The following SNRPN variants were observed in gnomAD, a reference collection of about 807,000 sequenced individuals.
The protein encoded by SNRPN is small nuclear ribonucleoprotein-associated protein N.
A neutral mutation model predicts 25.2 loss-of-function variants in SNRPN; 7 were observed. The observed-to-expected ratio is 0.28, with a 90% CI of 0.16 to 0.52. The LOEUF is 0.52. Among genes scored for constraint, SNRPN ranks in the 20% least tolerant of loss-of-function variants. The probability of loss-of-function intolerance (pLI) is 0.96; values close to 1 mark genes in which losing one functional copy is unlikely to be tolerated. For synonymous variants in SNRPN, 124 were observed against 110.6 expected, an observed-to-expected ratio of 1.12 and a Z score of -0.76; for missense variants, 196 against 322.5, an observed-to-expected ratio of 0.61 and a Z score of 3.00.
At chr15:24,948,046 T>C (rs1358660279) in intron 3 of SNRPN, among the ~76,000 whole-genome samples, 1 of 152,144 alleles carries the variant, frequency 6.6e-6, no homozygotes, top group Non-Finnish European at 1.5e-5. Flanking sequence ...AATTTCTTAA[T>C]GTTGCATCAG....
At chr15:24,909,145 G>A (rs2059046664) in intron 2 of SNRPN, 5 of 1,352,648 alleles carry the variant, frequency 3.7e-6, no homozygotes, top group Admixed American at 3.4e-5. Context: ...TGTTCTTTAT[G>A]TATTGAGAGA....
At chr15:24,919,156 G>C (rs1276373427) in intron 2 of SNRPN, among the ~76,000 whole-genome samples, 1 of 151,246 alleles carries the variant, frequency 6.6e-6, no homozygotes, top group Non-Finnish European at 1.5e-5. Flanking sequence ...ATTGCTGGGC[G>C]TGGTGGCTCA....
intron 1 of SNRPN, among the ~76,000 whole-genome samples, chr15:24,875,658 C>A (rs2055785458): frequency 6.6e-6 from 1 of 152,144 alleles, no homozygotes; most frequent in Non-Finnish European, 1.5e-5. Flanking sequence ...GTAGCTCACA[C>A]CTGTAATCCC....
At chr15:24,827,069 A>G (rs534967575) in intron 1 of SNRPN, among the ~76,000 whole-genome samples, 4 of 152,094 alleles carry the variant, frequency 2.6e-5, no homozygotes, top group Non-Finnish European at 5.9e-5. Context: ...TAAAAATATG[A>G]TATAAAACAT....
At chr15:24,902,541 A>G (rs1358625888) in intron 2 of SNRPN, among the ~76,000 whole-genome samples, 1 of 152,162 alleles carries the variant, frequency 6.6e-6, no homozygotes, top group Admixed American at 6.5e-5. Context: ...TCAAGAATGA[A>G]GCCGTGCACC....
At chr15:24,886,095 A>G (rs1205699492) in intron 1 of SNRPN, among the ~76,000 whole-genome samples, 1 of 152,144 alleles carries the variant, frequency 6.6e-6, no homozygotes, top group Non-Finnish European at 1.5e-5. Flanking sequence ...CCATCCATGC[A>G]CTTTCTTGTA....
chr15:24,968,003 A>C lies in SNRPN; in HGVS notation c.-223A>C, dbSNP rs767497295. The C allele has an allele frequency of 6.2e-7, 1 of 1,614,102 alleles. No homozygotes were observed. Among genetic ancestry groups the C allele is most frequent in the Admixed American group, 1.7e-5 (1 of 60,000 alleles). On this transcript the variant is annotated 5_prime_UTR_variant, in exon 3 of 10. Transcript: ENST00000390687. ...GTGGATTTCCAGGCTGAACTGAGGC[A>C]GGCATTCTTAGCTGAGACACCAAGA...
chr15:24,879,368 C>T (rs1311903743), intron 1 of SNRPN, among the ~76,000 whole-genome samples: 1 of 150,538 alleles, frequency 6.6e-6, no homozygotes, highest in Non-Finnish European at 1.5e-5. Context: ...ACCTGGGAGG[C>T]GGTGGTTGCA....
At chr15:24,909,630 C>G in intron 2 of SNRPN, 1 of 1,221,540 alleles carries the variant, frequency 8.2e-7, no homozygotes, top group South Asian at 1.2e-5. Context: ...TGGGCATAAG[C>G]AATCTGACAA....
chr15:24,944,707 T>C (rs139573224), intron 3 of SNRPN, among the ~76,000 whole-genome samples: 1 of 152,286 alleles, frequency 6.6e-6, no homozygotes, highest in African/African-American at 2.4e-5. Context: ...AATCTGTGTG[T>C]GTTAGGGTTC....
At chr15:24,861,753 CATAA>C (rs1313993431) in intron 1 of SNRPN, among the ~76,000 whole-genome samples, 10 of 145,338 alleles carry the variant, frequency 6.9e-5, no homozygotes, top group African/African-American at 2.1e-4. Flanking sequence ...CTAATAAACA[CATAA>C]GAGTCGATTT....
intron 3 of SNRPN, among the ~76,000 whole-genome samples, chr15:24,937,857 A>G (rs567057237): frequency 6.6e-6 from 1 of 152,282 alleles, no homozygotes; most frequent in African/African-American, 2.4e-5. Context: ...GTATAAATGG[A>G]ATCATACAGT....
At chr15:24,869,431 C>T (rs567441568) in intron 1 of SNRPN, among the ~76,000 whole-genome samples, 3 of 152,148 alleles carry the variant, frequency 2.0e-5, no homozygotes, top group East Asian at 1.9e-4. Context: ...TTTCTTCTAC[C>T]GAATGAACAC....
At chr15:24,846,174 A>T (rs72693648) in intron 2 of SNRPN, among the ~76,000 whole-genome samples, 28,126 of 152,038 alleles carry the variant, frequency 0.18, 2,738 homozygotes, top group South Asian at 0.21. Flanking sequence ...TTTGAATATC[A>T]ATCTGATCAG....
At chr15:24,969,094 G>A (rs2076064618) in intron 3 of SNRPN, among the ~76,000 whole-genome samples, 1 of 151,952 alleles carries the variant, frequency 6.6e-6, no homozygotes, top group South Asian at 2.1e-4. Context: ...ACTTGAATCA[G>A]TTAGGCTTGT....
intron 1 of SNRPN, among the ~76,000 whole-genome samples, chr15:24,870,914 T>C (rs2055047942): frequency 6.6e-6 from 1 of 151,730 alleles, no homozygotes; most frequent in African/African-American, 2.4e-5. Flanking sequence ...AGAGTCTCAC[T>C]CTGTCACCCA....
chr15:24,916,133 G>A (rs1365404205), intron 2 of SNRPN, among the ~76,000 whole-genome samples: 1 of 151,868 alleles, frequency 6.6e-6, no homozygotes, highest in Non-Finnish European at 1.5e-5. Flanking sequence ...GCTAACTTTT[G>A]TATTTTTAGT....
chr15:24,901,811 G>T (rs1418479438), intron 2 of SNRPN, among the ~76,000 whole-genome samples: 1 of 152,156 alleles, frequency 6.6e-6, no homozygotes, highest in Non-Finnish European at 1.5e-5. Context: ...AACATAGGAA[G>T]AAAAGGACAT....
At position 24,860,010 on chromosome 15, in the gene SNRPN, C is replaced by A. The variant is rs1478669840; in HGVS notation, c.-579+3294C>A. On this transcript the variant is annotated intron_variant, in intron 1 of 11. Coordinates refer to the SNRPN transcript ENST00000400097. ...TATGACCTGTATCTTGTGCCAGTCT[C>A]CTGATGTGACTTAAAATGCCTTAAC... 2.0e-5 allele frequency among the ~76,000 whole-genome samples: 3 copies of A among 152,262 alleles called. No homozygotes were observed. In the East Asian group the frequency reaches 5.8e-4, roughly 29 times the overall value.
Sources: allele counts gnomAD v4.1 joint callset (sites outside exome capture counted in the v4.1 genomes callset), GRCh38; gene constraint gnomAD v4.1.1; transcripts MANE v1.5; gene names NCBI Gene and HGNC (gene_info 2026-07-23, HGNC 2026-07-21).